The following AGAP3 variants were observed in gnomAD, a reference collection of about 807,000 sequenced individuals.
AGAP3 encodes the protein ArfGAP with GTPase domain, ankyrin repeat and PH domain 3.
A neutral mutation model predicts 96.9 loss-of-function variants in AGAP3; 24 were observed. The observed-to-expected ratio is 0.25, with a 90% CI of 0.18 to 0.35. The LOEUF (loss-of-function observed/expected upper bound fraction) is 0.35. Ranked by LOEUF, AGAP3 falls within the 10% of genes least tolerant of loss-of-function variation. The pLI, the probability that AGAP3 is intolerant of heterozygous loss-of-function variation, is 1.00. For synonymous variants in AGAP3, 563 were observed against 536.1 expected, an observed-to-expected ratio of 1.05 and a Z score of -0.69; for missense variants, 876 against 1,254.2, an observed-to-expected ratio of 0.70 and a Z score of 4.55.
chr7:151,142,122 G>A lies in AGAP3; in HGVS notation c.1960-41G>A. 5 of 1,610,698 alleles carry A rather than the reference G, an allele frequency of 3.1e-6. No individual in the cohort carries two copies. The South Asian group carries it at 4.4e-5, about 14-fold the overall frequency. ...TGGGACTGAAAGGGGCCTCATGACT[G>A]ACCAACCGCCCCTTGTCTTGTCTCT... On this transcript the variant is annotated intron_variant, in intron 14 of 17. Transcript: ENST00000397238. This position sits in a 1 kb window ranked among gnomAD's most constrained non-coding sequence, Gnocchi z 7.5.
At chr7:151,126,101 C>G (rs1563499532) in intron 9 of AGAP3, among the ~76,000 whole-genome samples, 1 of 144,560 alleles carries the variant, frequency 6.9e-6, no homozygotes, top group Non-Finnish European at 1.5e-5. Context: ...TCCGCCCGCG[C>G]CCCCGGCTAA....
Position 151,114,685 on chromosome 7 carries a change from G to T in AGAP3, c.332-2108G>T. On this transcript the variant is annotated intron_variant, in intron 1 of 17. Transcript: ENST00000397238. This position sits in a 1 kb window ranked among gnomAD's most constrained non-coding sequence, Gnocchi z 4.4. ...CACACCAGGTGCCCAGAGGCCGGAG[G>T]TCCGTGCGCCCCGGCCGCGGCCCCG... The T allele has an allele frequency of 1.0e-6, 1 of 990,562 alleles. No homozygotes were observed. The highest frequency in any genetic ancestry group is 1.2e-6 in the Non-Finnish European group (1 of 832,848). The allele number at this position is 990,562 out of a possible 1,614,324, so 61.4% of individuals were successfully genotyped here.
chr7:151,100,257 C>G (rs1179560658), intron 1 of AGAP3, among the ~76,000 whole-genome samples: 1 of 152,210 alleles, frequency 6.6e-6, no homozygotes, highest in African/African-American at 2.4e-5. Flanking sequence ...ACCCATGTTA[C>G]TAGATTCTCA....
intron 1 of AGAP3, among the ~76,000 whole-genome samples, chr7:151,113,154 G>A (rs1009888934): frequency 6.6e-6 from 1 of 152,210 alleles, no homozygotes; most frequent in Non-Finnish European, 1.5e-5. Flanking sequence ...AGATAGGGAA[G>A]TCAAGGCAGA....
chr7:151,112,000 C>T (rs1799309534), intron 1 of AGAP3, among the ~76,000 whole-genome samples: 1 of 152,204 alleles, frequency 6.6e-6, no homozygotes, highest in Non-Finnish European at 1.5e-5. Context: ...GTGTCGAGCA[C>T]AGCTGTGTTT....
intron 1 of AGAP3, among the ~76,000 whole-genome samples, chr7:151,112,970 G>A (rs1038582370): frequency 3.4e-4 from 51 of 152,118 alleles, no homozygotes; most frequent in African/African-American, 1.1e-3. Flanking sequence ...CTGACCTCAG[G>A]TGATCCGCCT....
intron 1 of AGAP3, among the ~76,000 whole-genome samples, chr7:151,089,101 G>A (rs369082013): frequency 1.3e-5 from 2 of 151,036 alleles, no homozygotes; most frequent in East Asian, 3.9e-4. Context: ...TCCTGGCACC[G>A]TCATCTTTAT....
intron 1 of AGAP3, chr7:151,115,598 CCGT>C: frequency 8.6e-7 from 1 of 1,166,538 alleles, no homozygotes; most frequent in Non-Finnish European, 1.1e-6. Context: ...CGCTGTGGGG[CCGT>C]CGGGCGGCTG....
At chr7:151,137,341 GC>G (rs535901746) in intron 11 of AGAP3, among the ~76,000 whole-genome samples, 25 of 151,960 alleles carry the variant, frequency 1.6e-4, no homozygotes, top group East Asian at 1.2e-3. Flanking sequence ...CTCAGGTTCG[GC>G]CCCCGTGTTC....
intron 10 of AGAP3, among the ~76,000 whole-genome samples, chr7:151,132,242 T>C (rs985583143): frequency 6.6e-6 from 1 of 152,168 alleles, no homozygotes; most frequent in Non-Finnish European, 1.5e-5. Flanking sequence ...GCAGAGTCCT[T>C]CTCCGCCAAG....
At chr7:151,103,736 G>C (rs10244332) in intron 1 of AGAP3, among the ~76,000 whole-genome samples, 1 of 152,028 alleles carries the variant, frequency 6.6e-6, no homozygotes, top group South Asian at 2.1e-4. Context: ...TGCCTGAAAG[G>C]TCTTACAGAG....
In AGAP3 at chr7:151,118,593, C is replaced by T. The variant is rs569191956; in HGVS notation, c.930C>T (p.Ala310=). The T allele has an allele frequency of 8.3e-4, 1,347 of 1,614,006 alleles. 22 individuals are homozygous for T. The South Asian group carries it at 0.014, about 16-fold the overall frequency. ...TGCCCAACTCGCCCAGCCACTCGGC[C>T]GTGTCCGCCGCCTCCATCCCGGCCG... ...KSLPNSPSHS[A]VSAASIPAVH... Residue 310 remains alanine, a synonymous_variant, in exon 7 of 18, where the codon GCC becomes GCT. Coordinates refer to ENST00000397238, the MANE Select transcript of AGAP3 (RefSeq NM_031946.7). The surrounding 1 kb of genome is among the most constrained non-coding windows in gnomAD (Gnocchi z 6.1).
At chr7:151,087,751 A>C (rs1013175841) in intron 1 of AGAP3, among the ~76,000 whole-genome samples, 1 of 148,668 alleles carries the variant, frequency 6.7e-6, no homozygotes, top group Non-Finnish European at 1.5e-5. Context: ...GGGACACCGC[A>C]CCCGGAGTCG....
In AGAP3 at chr7:151,106,097, C is replaced by T. The variant is rs1030729174; in HGVS notation, c.332-10696C>T. Reference sequence around the variant, plus strand: ...TCAGTGGCCAGCAGTGAATTTCTGCCCCGCCAACAGAGTTGAAAAGTTCAG... The same window carrying T: ...TCAGTGGCCAGCAGTGAATTTCTGCTCCGCCAACAGAGTTGAAAAGTTCAG... On this transcript the variant is annotated intron_variant, in intron 1 of 17. Coordinates refer to ENST00000397238, the MANE Select transcript of AGAP3 (RefSeq NM_031946.7). Among the ~76,000 whole-genome samples the T allele has an allele frequency of 6.6e-5, 10 of 151,952 alleles. 1 individual carries two copies. The highest frequency in any genetic ancestry group is 1.2e-4 in the African/African-American group (5 of 41,354).
chr7:151,089,856 GCCACCTTCAC>G (rs1445947844), intron 1 of AGAP3: 1 of 152,250 alleles, frequency 6.6e-6, no homozygotes, highest in East Asian at 1.9e-4. Context: ...GAGCCTCTGA[GCCACCTTCAC>G]CTCACTAGTG....
chr7:151,117,593 C>A (rs1346748941), intron 4 of AGAP3, 43 bp from the exon 5 acceptor site: 2 of 1,611,816 alleles, frequency 1.2e-6, no homozygotes, highest in Admixed American at 1.7e-5. Context: ...TGGGAGTTTG[C>A]CAGGTCCAGT....
chr7:151,121,711 C>T (rs1799901979), intron 8 of AGAP3, among the ~76,000 whole-genome samples: 1 of 152,212 alleles, frequency 6.6e-6, no homozygotes, highest in Admixed American at 6.5e-5. Context: ...CTTCCATTCT[C>T]TCCATCCTCA....
At chr7:151,102,503 T>A (rs1394748713) in intron 1 of AGAP3, among the ~76,000 whole-genome samples, 3 of 148,140 alleles carry the variant, frequency 2.0e-5, no homozygotes, top group Non-Finnish European at 4.4e-5. Context: ...CTCACGCAAG[T>A]AATCCCAGCA....
rs1192316266 is a variant in AGAP3 at position 151,143,733 on chromosome 7, A to G, written c.2530-4A>G. The G allele has an allele frequency of 6.2e-7, 1 of 1,613,958 alleles. No homozygotes were observed. Among genetic ancestry groups the G allele is most frequent in the Non-Finnish European group, 8.5e-7 (1 of 1,179,948 alleles). On this transcript the variant is annotated splice_polypyrimidine_tract_variant and splice_region_variant and intron_variant, in intron 17 of 17. Coordinates refer to ENST00000397238, the MANE Select transcript of AGAP3 (RefSeq NM_031946.7). The surrounding 1 kb of genome is among the most constrained non-coding windows in gnomAD (Gnocchi z 5.9). ...CAACTGTCAACATGTGTTTTCTCCT[A>G]CAGTACGGGGTGGACGTGAGGAGCC...
Sources: gnomAD v4.1 joint callset for allele counts (sites outside exome capture counted in the v4.1 genomes callset) on GRCh38, gnomAD v4.1.1 for gene constraint, Gnocchi (gnomAD v3.1) non-coding constraint, MANE v1.5 for transcripts, NCBI Gene and HGNC (gene_info 2026-07-23, HGNC 2026-07-21) for gene names.